GORASP2: variants seen among roughly 807,000 people sequenced by gnomAD.
GORASP2 encodes golgi reassembly stacking protein 2, also known as Golgi reassembly-stacking protein 2.
Under a neutral mutation model 45.7 loss-of-function variants are expected in GORASP2, and 22 were observed. That is an observed-to-expected ratio of 0.48 (90% CI 0.34 to 0.69). The LOEUF (loss-of-function observed/expected upper bound fraction) is 0.69. Among genes scored for constraint, GORASP2 ranks in the 30% least tolerant of loss-of-function variants. The pLI is 0.01. For missense variants in GORASP2, 491 were observed against 562.7 expected, an observed-to-expected ratio of 0.87 and a Z score of 1.29; for synonymous variants, 221 against 215.6, an observed-to-expected ratio of 1.02 and a Z score of -0.22.
chr2:170,952,408 C>T (rs1704318665), intron 5 of GORASP2, among the ~76,000 whole-genome samples: 1 of 152,222 alleles, frequency 6.6e-6, no homozygotes, highest in Non-Finnish European at 1.5e-5. Flanking sequence ...CTGCCTCTGA[C>T]CATGCATTTG....
At chr2:170,930,004 C>G (rs868384520) in intron 1 of GORASP2, 8 of 323,808 alleles carry the variant, frequency 2.5e-5, no homozygotes, top group South Asian at 1.6e-4. Flanking sequence ...CGTGCCACTC[C>G]TGACCCTCCC....
chr2:170,949,892 T>C, intron 3 of GORASP2, 150 bp downstream of exon 3: 1 of 646,578 alleles, frequency 1.5e-6, no homozygotes, highest in South Asian at 2.1e-5. Context: ...TTTTTAAGTA[T>C]GGATCAATTT....
chr2:170,929,256 T>C lies in GORASP2; in HGVS notation c.-85T>C, dbSNP rs959593583. On this transcript the variant is annotated 5_prime_UTR_variant, in exon 1 of 10. Coordinates refer to ENST00000234160, the MANE Select transcript of GORASP2 (RefSeq NM_015530.5). ...GCGGCAGCGAGTGCCACGTCCCAAG[T>C]GCTACGCGGAGGATTAGAGCAGGCG... 2 of 1,098,646 alleles carry C rather than the reference T, an allele frequency of 1.8e-6. No individual in the cohort carries two copies. The allele number at this position is 1,098,646 out of a possible 1,614,324, so 68.1% of individuals were successfully genotyped here. A position where few individuals can be genotyped will look rare whatever the true frequency, so the allele number is the denominator to read the frequency against.
chr2:170,945,600 T>C (rs1376197342), intron 1 of GORASP2, among the ~76,000 whole-genome samples: 1 of 152,134 alleles, frequency 6.6e-6, no homozygotes, highest in Non-Finnish European at 1.5e-5. Flanking sequence ...GGTCCCAAAT[T>C]TGCAGGGAAA....
intron 1 of GORASP2, among the ~76,000 whole-genome samples, chr2:170,932,948 C>G (rs1703862443): frequency 6.6e-6 from 1 of 152,000 alleles, no homozygotes; most frequent in Non-Finnish European, 1.5e-5. Context: ...TTTCAGACAC[C>G]CTGTGTGTGT....
At position 170,965,844 on chromosome 2, in the gene GORASP2, TC is replaced by T. The variant is rs1445769726; in HGVS notation, c.1078del (p.Leu360CysfsTer55). 1 of 1,613,740 alleles carries T rather than the reference TC, an allele frequency of 6.2e-7. No homozygotes were observed. Among genetic ancestry groups the T allele is most frequent in the African/African-American group, 1.3e-5 (1 of 74,844 alleles). ...CGAAACTTACCTGGCATTGCACCTC[TC>T]CCCCTGCCATCCGAGTTCCTCCCGT... ...PPRNLPGIAP[L>X]PLPSEFLPSF... is the part of the protein sequence containing the mutation. On this transcript the variant is annotated frameshift_variant, in exon 10 of 10. Coordinates refer to ENST00000234160, the MANE Select transcript of GORASP2 (RefSeq NM_015530.5). LOFTEE classifies it high-confidence loss of function.
intron 9 of GORASP2, among the ~76,000 whole-genome samples, chr2:170,965,562 G>A (rs909003513): frequency 6.6e-6 from 1 of 152,166 alleles, no homozygotes; most frequent in Non-Finnish European, 1.5e-5. Context: ...GCTGGGCCAG[G>A]TTACATGGAG....
At chr2:170,936,761 TG>T (rs1214943325) in intron 1 of GORASP2, 1 of 594,072 alleles carries the variant, frequency 1.7e-6, no homozygotes, top group Non-Finnish European at 2.8e-6. Context: ...AAGACCACGC[TG>T]GGCAACATAA....
intron 1 of GORASP2, among the ~76,000 whole-genome samples, chr2:170,935,160 A>T (rs1423414265): frequency 6.6e-6 from 1 of 152,248 alleles, no homozygotes; most frequent in Admixed American, 6.5e-5. Context: ...AATGTATATA[A>T]ATCTTGGGAT....
At chr2:170,930,979 A>C (rs1340745525) in intron 1 of GORASP2, among the ~76,000 whole-genome samples, 3 of 112,202 alleles carry the variant, frequency 2.7e-5, no homozygotes, top group African/African-American at 7.7e-5. Context: ...TAAGCAAAAA[A>C]AAAAAAAAAA....
chr2:170,947,037 A>G (rs1425357973), intron 1 of GORASP2, among the ~76,000 whole-genome samples: 1 of 152,148 alleles, frequency 6.6e-6, no homozygotes, highest in Non-Finnish European at 1.5e-5. Context: ...TTTTTAACCT[A>G]TCAAATGAAA....
chr2:170,951,349 A>G lies in GORASP2; in HGVS notation c.457A>G (p.Ile153Val). The change falls in exon 5 of 10, where the codon ATC (isoleucine) becomes GTC (valine). Residue 153 changes from isoleucine to valine, a missense_variant. Physicochemically the swap from Ile to Val is conservative, Grantham distance 29 (BLOSUM62 3). Coordinates refer to ENST00000234160, the MANE Select transcript of GORASP2 (RefSeq NM_015530.5). ...GCAGTCTGAAGATCTATTCAGCCTT[A>G]TCGAAACACATGAAGCAAAACCATT... ...MNESEDLFSL[I>V]ETHEAKPLKL... 1.2e-6 allele frequency: 2 copies of G among 1,609,738 alleles called. No homozygotes were observed. The highest frequency in any genetic ancestry group is 1.7e-6 in the Non-Finnish European group (2 of 1,178,406).
intron 9 of GORASP2, among the ~76,000 whole-genome samples, chr2:170,965,457 T>C (rs1314168683): frequency 6.6e-6 from 1 of 152,184 alleles, no homozygotes; most frequent in African/African-American, 2.4e-5. Context: ...CTGTCTGACA[T>C]CCAGTGTAGC....
At chr2:170,965,324 G>A (rs929089278) in intron 9 of GORASP2, among the ~76,000 whole-genome samples, 2 of 152,330 alleles carry the variant, frequency 1.3e-5, no homozygotes, top group East Asian at 1.9e-4. Context: ...TGGAAAGGGC[G>A]AGAATCCAGG....
chr2:170,960,101 A>G (rs1362856100), intron 7 of GORASP2, among the ~76,000 whole-genome samples: 1 of 152,062 alleles, frequency 6.6e-6, no homozygotes, highest in Non-Finnish European at 1.5e-5. Flanking sequence ...GATTACAGGC[A>G]TGAGCCACCG....
intron 7 of GORASP2, among the ~76,000 whole-genome samples, chr2:170,960,359 A>T (rs936772075): frequency 1.3e-5 from 2 of 152,186 alleles, no homozygotes; most frequent in African/African-American, 2.4e-5. Context: ...GCCTTCGAAA[A>T]ATTGTTGTAT....
At chr2:170,956,072 C>G (rs983545208) in intron 6 of GORASP2, among the ~76,000 whole-genome samples, 2 of 152,150 alleles carry the variant, frequency 1.3e-5, no homozygotes, top group Non-Finnish European at 2.9e-5. Context: ...AATAAACCAG[C>G]TGGGAATTCA....
intron 1 of GORASP2, chr2:170,929,807 G>A (rs1160111843): frequency 4.2e-6 from 2 of 473,502 alleles, no homozygotes; most frequent in Non-Finnish European, 8.7e-6. Flanking sequence ...CAGCCTTTGC[G>A]CTTTCCTAGG....
At chr2:170,937,858 A>G (rs980193054) in intron 1 of GORASP2, among the ~76,000 whole-genome samples, 2 of 152,214 alleles carry the variant, frequency 1.3e-5, no homozygotes, top group African/African-American at 4.8e-5. Context: ...ATCTTTGTGG[A>G]CATGAGTACA....
Sources: gnomAD v4.1 joint callset for allele counts (sites outside exome capture counted in the v4.1 genomes callset) on GRCh38, gnomAD v4.1.1 for gene constraint, MANE v1.5 for transcripts, NCBI Gene and HGNC (gene_info 2026-07-23, HGNC 2026-07-21) for gene names.